Variants in AGBL1 observed in about 807,000 individuals in gnomAD.
AGBL1 encodes cytosolic carboxypeptidase 4.
AGBL1 carries 130 observed loss-of-function variants against 118.9 expected under a neutral mutation model. The observed-to-expected ratio is 1.09, with a 90% CI of 0.95 to 1.26. AGBL1 has a LOEUF of 1.26. Ranked by LOEUF, AGBL1 falls within the 50% of genes most tolerant of loss-of-function variation. The pLI, the probability that AGBL1 is intolerant of heterozygous loss-of-function variation, is 0.00. For missense variants in AGBL1, 1,584 were observed against 1,298.1 expected (o/e 1.22, Z -3.38); for synonymous variants, 555 against 478.9 (o/e 1.16, Z -2.08).
chr15:86,149,765 C>A (rs1597459927), intron 3 of AGBL1, among the ~76,000 whole-genome samples: 1 of 152,286 alleles, frequency 6.6e-6, no homozygotes, highest in South Asian at 2.1e-4. Context: ...CTCAGCTCTG[C>A]AGCAAGCAGA....
intron 22 of AGBL1, among the ~76,000 whole-genome samples, chr15:86,776,626 GT>G (rs993311437): frequency 3.2e-3 from 484 of 149,088 alleles, no homozygotes; most frequent in African/African-American, 0.01. Context: ...CATTTTTGTG[GT>G]TTTTTTTTAT....
intron 19 of AGBL1, among the ~76,000 whole-genome samples, chr15:86,524,231 T>C (rs999792715): frequency 6.6e-6 from 1 of 152,210 alleles, no homozygotes; most frequent in East Asian, 1.9e-4. Context: ...CAACATAGCC[T>C]CTCTTCATTA....
At chr15:86,135,553 C>T (rs762150087) in intron 1 of AGBL1, among the ~76,000 whole-genome samples, 15 of 152,146 alleles carry the variant, frequency 9.9e-5, no homozygotes, top group Non-Finnish European at 1.8e-4. Context: ...GCATCGAGAA[C>T]AGAATGACAA....
intron 18 of AGBL1, among the ~76,000 whole-genome samples, chr15:86,506,810 A>C (rs1000953772): frequency 1.3e-5 from 2 of 152,086 alleles, no homozygotes; most frequent in African/African-American, 4.8e-5. Flanking sequence ...AAATGTGTAC[A>C]TTTTATTTCC....
intron 22 of AGBL1, among the ~76,000 whole-genome samples, chr15:86,770,763 T>C (rs2078166148): frequency 6.6e-6 from 1 of 151,918 alleles, no homozygotes; most frequent in Admixed American, 6.6e-5. Flanking sequence ...AACTTTGTGT[T>C]CCCCAAGGCT....
intron 18 of AGBL1, among the ~76,000 whole-genome samples, chr15:86,458,277 A>G (rs2082285361): frequency 6.6e-6 from 1 of 152,066 alleles, no homozygotes; most frequent in African/African-American, 2.4e-5. Flanking sequence ...AACTATAATA[A>G]TTTTATTATA....
intron 22 of AGBL1, among the ~76,000 whole-genome samples, chr15:86,874,471 T>C (rs2079776595): frequency 6.6e-6 from 1 of 152,004 alleles, no homozygotes; most frequent in African/African-American, 2.4e-5. Flanking sequence ...CCCATTACAC[T>C]GTTGAGAGCC....
At chr15:86,425,917 G>C (rs1329655653) in intron 18 of AGBL1, among the ~76,000 whole-genome samples, 3 of 151,696 alleles carry the variant, frequency 2.0e-5, no homozygotes, top group East Asian at 3.9e-4. Flanking sequence ...TCCGTCTATG[G>C]ATGGACAAAG....
At chr15:86,853,182 C>T (rs1596552625) in intron 22 of AGBL1, among the ~76,000 whole-genome samples, 2 of 152,148 alleles carry the variant, frequency 1.3e-5, no homozygotes, top group African/African-American at 4.8e-5. Flanking sequence ...TAGGAGAAAA[C>T]AAAGATTTAT....
chr15:86,355,213 A>G (rs1345571865), intron 17 of AGBL1, among the ~76,000 whole-genome samples: 1 of 152,248 alleles, frequency 6.6e-6, no homozygotes, highest in Non-Finnish European at 1.5e-5. Context: ...CAGCAATAGA[A>G]AACTAACATA....
chr15:86,488,279 C>G (rs1212813064), intron 18 of AGBL1, among the ~76,000 whole-genome samples: 1 of 151,952 alleles, frequency 6.6e-6, no homozygotes, highest in Non-Finnish European at 1.5e-5. Context: ...TGTTGTAACC[C>G]AGCAACTATG....
At chr15:86,199,308 CTCA>C (rs2077867103) in intron 5 of AGBL1, among the ~76,000 whole-genome samples, 1 of 152,102 alleles carries the variant, frequency 6.6e-6, no homozygotes, top group Non-Finnish European at 1.5e-5. Context: ...CATGAAACAT[CTCA>C]TATTATATAT....
intron 5 of AGBL1, among the ~76,000 whole-genome samples, chr15:86,210,775 C>T (rs1325468706): frequency 1.3e-5 from 2 of 152,150 alleles, no homozygotes; most frequent in Non-Finnish European, 2.9e-5. Flanking sequence ...TCCTTTAGCT[C>T]AGGGAAGTTT....
chr15:86,853,283 G>T (rs892745101), intron 22 of AGBL1, among the ~76,000 whole-genome samples: 2 of 152,108 alleles, frequency 1.3e-5, no homozygotes, highest in African/African-American at 4.8e-5. Flanking sequence ...AATCAAAATA[G>T]TTTCACACGT....
At chr15:86,638,436 A>G (rs1003464149) in intron 21 of AGBL1, among the ~76,000 whole-genome samples, 1 of 152,172 alleles carries the variant, frequency 6.6e-6, no homozygotes, top group Non-Finnish European at 1.5e-5. Context: ...TGCCGCGTTC[A>G]GGCTGCCATC....
intron 22 of AGBL1, among the ~76,000 whole-genome samples, chr15:86,698,768 G>T (rs990926541): frequency 2.6e-5 from 4 of 151,942 alleles, no homozygotes; most frequent in African/African-American, 9.6e-5. Flanking sequence ...TGAGACAGTG[G>T]TTCTGGAACA....
chr15:86,335,440 G>C (rs942868225), intron 17 of AGBL1, among the ~76,000 whole-genome samples: 7 of 152,090 alleles, frequency 4.6e-5, no homozygotes, highest in Non-Finnish European at 7.4e-5. Flanking sequence ...GCCTGGCCTA[G>C]ATTGAGAAGT....
Position 86,793,725 on chromosome 15 carries a change from C to T in AGBL1, c.3159-113362C>T, listed in dbSNP as rs190739413. 2.7e-4 allele frequency among the ~76,000 whole-genome samples: 41 copies of T among 152,230 alleles called. No homozygotes were observed. In the East Asian group the frequency reaches 4.2e-3, roughly 16 times the overall value. On this transcript the variant is annotated intron_variant, in intron 22 of 22. Coordinates refer to ENST00000614907, the MANE Select transcript of AGBL1 (RefSeq NM_001386094.1). Reference sequence around the variant, plus strand: ...TATTTGCAAATCATACGTCTGATAACGGTCTAGTATCCAGAATATACATTC... The same window carrying T: ...TATTTGCAAATCATACGTCTGATAATGGTCTAGTATCCAGAATATACATTC...
At chr15:86,724,932 C>T (rs558401779) in intron 22 of AGBL1, among the ~76,000 whole-genome samples, 89 of 152,288 alleles carry the variant, frequency 5.8e-4, no homozygotes, top group African/African-American at 2.0e-3. Flanking sequence ...GCTTCCTGTG[C>T]AGCCTGCAGA....
Sources: allele counts gnomAD v4.1 joint callset (sites outside exome capture counted in the v4.1 genomes callset), GRCh38; gene constraint gnomAD v4.1.1; transcripts MANE v1.5; gene names NCBI Gene and HGNC (gene_info 2026-07-23, HGNC 2026-07-21).